CALCR: variants seen among roughly 807,000 people sequenced by gnomAD.
The protein encoded by CALCR is calcitonin receptor.
Under a neutral mutation model 59.5 loss-of-function variants are expected in CALCR, and 47 were observed. The ratio of observed to expected loss-of-function variants is 0.79; its 90% CI spans 0.63 to 1.01. The LOEUF (loss-of-function observed/expected upper bound fraction) is 1.01. Ranked by LOEUF, CALCR falls within the 50% of genes least tolerant of loss-of-function variation. The probability of loss-of-function intolerance (pLI) is 0.00; values close to 1 mark genes in which losing one functional copy is unlikely to be tolerated. For synonymous variants in CALCR, 213 were observed against 211.3 expected (o/e 1.01, Z -0.07); for missense variants, 566 against 597.1 (o/e 0.95, Z 0.54).
chr7:93,498,887 G>A (rs574215877), intron 2 of CALCR, among the ~76,000 whole-genome samples: 4 of 151,672 alleles, frequency 2.6e-5, no homozygotes, highest in Non-Finnish European at 5.9e-5. Context: ...TTCAACTTCT[G>A]TTAAGATCAA....
intron 13 of CALCR, among the ~76,000 whole-genome samples, chr7:93,427,812 A>T (rs1799562497): frequency 6.6e-6 from 1 of 152,046 alleles, no homozygotes; most frequent in South Asian, 2.1e-4. Flanking sequence ...TTGTTCATAT[A>T]TTTTTAAAGA....
chr7:93,562,211 G>A (rs535767951), intron 2 of CALCR, among the ~76,000 whole-genome samples: 88 of 151,200 alleles, frequency 5.8e-4, no homozygotes, highest in African/African-American at 1.6e-3. Flanking sequence ...TTCAGTCTTC[G>A]TATCTGTAAA....
chr7:93,476,445 A>G (rs1800668490), intron 5 of CALCR, among the ~76,000 whole-genome samples: 1 of 151,852 alleles, frequency 6.6e-6, no homozygotes, highest in African/African-American at 2.4e-5. Flanking sequence ...GTATGTGTAT[A>G]TATATATTAT....
intron 2 of CALCR, among the ~76,000 whole-genome samples, chr7:93,520,623 TA>T (rs777184504): frequency 2.0e-5 from 3 of 152,106 alleles, no homozygotes; most frequent in Admixed American, 1.3e-4. Context: ...TGTACAGCTA[TA>T]AAAAAGAGAA....
chr7:93,479,604 C>T, intron 3 of CALCR, 97 bp from the exon 4 acceptor site: 4 of 1,147,484 alleles, frequency 3.5e-6, no homozygotes, highest in South Asian at 3.2e-5. Flanking sequence ...TTTATTTTTG[C>T]TCTCTAAGCA....
chr7:93,505,130 G>C (rs1458328155), intron 2 of CALCR, among the ~76,000 whole-genome samples: 1 of 151,816 alleles, frequency 6.6e-6, no homozygotes, highest in Non-Finnish European at 1.5e-5. Flanking sequence ...TATTTTCAAT[G>C]ATGTCTAGAT....
At chr7:93,433,586 T>C (rs1444998174) in intron 13 of CALCR, among the ~76,000 whole-genome samples, 2 of 152,182 alleles carry the variant, frequency 1.3e-5, no homozygotes, top group African/African-American at 2.4e-5. Flanking sequence ...TTGAATCATG[T>C]TCCCTAAAAC....
Position 93,460,842 on chromosome 7 carries a change from TC to T in CALCR, c.626del (p.Gly209GlufsTer9). 2 of 1,609,612 alleles carry T rather than the reference TC, an allele frequency of 1.2e-6. No individual in the cohort carries two copies. Among genetic ancestry groups the T allele is most frequent in the Non-Finnish European group, 8.5e-7 (1 of 1,178,008 alleles). ...IIHLVEVVPN[G>X]ELVRRDPVSC... ...TTACCGGGTCCCTTCGCACGAGCTC[TC>T]CATTGGGTACTACTTCAACCAGGTG... On this transcript the variant is annotated frameshift_variant, in exon 8 of 14. Coordinates refer to ENST00000426151, the MANE Select transcript of CALCR (RefSeq NM_001742.4). LOFTEE classifies it high-confidence loss of function.
At chr7:93,502,578 C>T (rs750057337) in intron 2 of CALCR, among the ~76,000 whole-genome samples, 1 of 152,034 alleles carries the variant, frequency 6.6e-6, no homozygotes, top group Non-Finnish European at 1.5e-5. Context: ...TGCCAAAATT[C>T]TTAAAACATC....
At chr7:93,523,473 G>A (rs542673656) in intron 2 of CALCR, among the ~76,000 whole-genome samples, 24 of 152,090 alleles carry the variant, frequency 1.6e-4, no homozygotes, top group Admixed American at 1.1e-3. Flanking sequence ...TGTCTTATTC[G>A]CTAGTGTATT....
At chr7:93,453,230 G>C (rs1456348542) in intron 8 of CALCR, among the ~76,000 whole-genome samples, 1 of 152,002 alleles carries the variant, frequency 6.6e-6, no homozygotes, top group African/African-American at 2.4e-5. Context: ...TGAGAGTTGT[G>C]TGTCAGATGA....
At position 93,477,146 on chromosome 7, in the gene CALCR, A is replaced by G. The variant is rs144763219; in HGVS notation, c.316+412T>C. ...CAGGCTCACTTTACTCTTGGGAACA[A>G]ATTTCACCCATTAACAGGGACCTAT... On this transcript the variant is annotated intron_variant, in intron 5 of 13. Coordinates refer to ENST00000426151, the MANE Select transcript of CALCR (RefSeq NM_001742.4). 4.7e-3 allele frequency among the ~76,000 whole-genome samples: 718 copies of G among 151,954 alleles called. 6 individuals carry two copies. The highest frequency in any genetic ancestry group is 0.017 in the African/African-American group (688 of 41,502).
chr7:93,476,629 A>G (rs1274189537), intron 5 of CALCR, among the ~76,000 whole-genome samples: 3 of 151,806 alleles, frequency 2.0e-5, no homozygotes, highest in Non-Finnish European at 4.4e-5. Flanking sequence ...TGTAGTCACT[A>G]TTTATATCCA....
chr7:93,428,247 C>A (rs1263141719), intron 13 of CALCR, among the ~76,000 whole-genome samples: 1 of 152,168 alleles, frequency 6.6e-6, no homozygotes, highest in Non-Finnish European at 1.5e-5. Context: ...CTTATTTAAT[C>A]CTCACAACAG....
chr7:93,435,210 A>G (rs1384573621), intron 12 of CALCR, among the ~76,000 whole-genome samples: 1 of 152,152 alleles, frequency 6.6e-6, no homozygotes, highest in Non-Finnish European at 1.5e-5. Flanking sequence ...TTCCCTTTAT[A>G]GCACTGAACC....
rs1387230836 is a variant in CALCR, at chr7:93,550,620, C to CAT, written c.-27+23668_-27+23669insAT. Reference sequence around the variant, plus strand: ...CTAAACACACACACACACACACACACACACACACACACACACACACGAGAG... The same window carrying CAT: ...CTAAACACACACACACACACACACACATACACACACACACACACACACGAGAG... On this transcript the variant is annotated intron_variant, in intron 2 of 13. Transcript: ENST00000426151. 2.1e-5 allele frequency among the ~76,000 whole-genome samples: 3 copies of CAT among 145,862 alleles called. 1 individual carries two copies. The highest frequency in any genetic ancestry group is 7.4e-5 in the African/African-American group (3 of 40,624).
At chr7:93,463,955 G>A (rs1290553820) in intron 7 of CALCR, among the ~76,000 whole-genome samples, 1 of 151,984 alleles carries the variant, frequency 6.6e-6, no homozygotes, top group South Asian at 2.1e-4. Flanking sequence ...GTAGGAGGAT[G>A]AGACAACATA....
chr7:93,565,117 C>G (rs1454447024), intron 2 of CALCR, among the ~76,000 whole-genome samples: 2 of 152,174 alleles, frequency 1.3e-5, no homozygotes, highest in African/African-American at 4.8e-5. Context: ...TCTGCATTTG[C>G]TAATGGCTCC....
intron 8 of CALCR, among the ~76,000 whole-genome samples, chr7:93,452,367 C>G (rs1450661920): frequency 1.3e-5 from 2 of 151,918 alleles, no homozygotes; most frequent in South Asian, 2.1e-4. Context: ...GAATTACAGG[C>G]CTTTTTGTCA....
Sources: allele counts gnomAD v4.1 joint callset (sites outside exome capture counted in the v4.1 genomes callset), GRCh38; gene constraint gnomAD v4.1.1; transcripts MANE v1.5; gene names NCBI Gene and HGNC (gene_info 2026-07-23, HGNC 2026-07-21).